SNW1: variants seen among roughly 807,000 people sequenced by gnomAD.
SNW1 encodes SNW domain containing 1, also known as SNW domain-containing protein 1.
SNW1 carries 9 observed loss-of-function variants against 75.6 expected under a neutral mutation model. The ratio of observed to expected loss-of-function variants is 0.12; its 90% CI spans 0.07 to 0.21. The LOEUF is 0.21. Among genes scored for constraint, SNW1 ranks in the 10% least tolerant of loss-of-function variants. The pLI, the probability that SNW1 is intolerant of heterozygous loss-of-function variation, is 1.00. For synonymous variants in SNW1, 200 were observed against 219.1 expected, an observed-to-expected ratio of 0.91 and a Z score of 0.77; for missense variants, 409 against 670.9, an observed-to-expected ratio of 0.61 and a Z score of 4.31.
chr14:77,752,083 A>T (rs1443167534), intron 2 of SNW1, among the ~76,000 whole-genome samples: 1 of 152,208 alleles, frequency 6.6e-6, no homozygotes, highest in Non-Finnish European at 1.5e-5. Context: ...GAAACTAAGT[A>T]AAATGGCTAG....
In SNW1 at chr14:77,720,741, C is replaced by T. The variant is rs1327533294; in HGVS notation, c.1218G>A (p.Gln406=). Reference sequence around the variant, plus strand: ...ATTGGTTGAAGAGCCTTTGGTCATACTGAACTTCATTGGAAGTCCGAGGAT... The same window carrying T: ...ATTGGTTGAAGAGCCTTTGGTCATATTGAACTTCATTGGAAGTCCGAGGAT... ...VPNPRTSNEV[Q]YDQRLFNQSK... The change falls in exon 12 of 14, where the codon CAG becomes CAA. Residue 406 remains glutamine (Q), a synonymous_variant. Coordinates refer to ENST00000261531, the MANE Select transcript of SNW1 (RefSeq NM_012245.3). 1 of 1,613,400 alleles carries T rather than the reference C, an allele frequency of 6.2e-7. No homozygotes were observed. The highest frequency in any genetic ancestry group is 1.7e-5 in the Admixed American group (1 of 60,012).
At chr14:77,749,131 G>A (rs1231824420) in intron 3 of SNW1, among the ~76,000 whole-genome samples, 1 of 152,092 alleles carries the variant, frequency 6.6e-6, no homozygotes, top group Non-Finnish European at 1.5e-5. Flanking sequence ...AGAGAATACT[G>A]GGCTGGAAAC....
At chr14:77,726,666 T>C (rs1248556623) in intron 10 of SNW1, among the ~76,000 whole-genome samples, 1 of 152,016 alleles carries the variant, frequency 6.6e-6, no homozygotes. Context: ...TAAAAAAAAT[T>C]AGCCAGGCGT....
chr14:77,736,538 G>A (rs2080673038), intron 6 of SNW1, among the ~76,000 whole-genome samples: 1 of 128,620 alleles, frequency 7.8e-6, no homozygotes, highest in Admixed American at 8.1e-5. Flanking sequence ...GACAGAGCGA[G>A]ACTGTCTCTC....
chr14:77,754,379 A>C (rs2080829518), intron 2 of SNW1, among the ~76,000 whole-genome samples: 2 of 152,162 alleles, frequency 1.3e-5, no homozygotes, highest in South Asian at 4.1e-4. Context: ...TAGAGATAGA[A>C]AGAGCTATTC....
intron 1 of SNW1, chr14:77,760,547 T>G: frequency 1.5e-6 from 1 of 654,964 alleles, no homozygotes; most frequent in Non-Finnish European, 2.8e-6. Context: ...CGGAAGAAAT[T>G]CTAAGCTCCA....
chr14:77,739,163 A>G (rs925975342), intron 3 of SNW1, 102 bp from the exon 4 acceptor site: 1 of 784,214 alleles, frequency 1.3e-6, no homozygotes, highest in African/African-American at 1.7e-5. Flanking sequence ...ACACTTAAAA[A>G]TTTAGGACAC....
chr14:77,719,723 GT>G (rs1468322312), intron 12 of SNW1, among the ~76,000 whole-genome samples: 3 of 152,126 alleles, frequency 2.0e-5, no homozygotes, highest in African/African-American at 7.2e-5. Flanking sequence ...AGCTAAACCT[GT>G]GTTTCAATTT....
chr14:77,719,299 T>TCC (rs2080518201), intron 12 of SNW1, among the ~76,000 whole-genome samples: 1 of 152,040 alleles, frequency 6.6e-6, no homozygotes. Flanking sequence ...CACCCCTAGA[T>TCC]CCCTTTGCTC....
chr14:77,759,774 G>C (rs1354450161), intron 1 of SNW1, among the ~76,000 whole-genome samples: 2 of 151,934 alleles, frequency 1.3e-5, no homozygotes, highest in East Asian at 3.9e-4. Context: ...CCAAGAGTTG[G>C]AGACCACTCT....
intron 11 of SNW1, chr14:77,722,589 T>C (rs2080550685): frequency 2.4e-6 from 1 of 410,986 alleles, no homozygotes; most frequent in Non-Finnish European, 4.8e-6. Context: ...TACATCCTTT[T>C]CAAAAATCTG....
chr14:77,760,661 G>C (rs931180333), intron 1 of SNW1: 1 of 702,206 alleles, frequency 1.4e-6, no homozygotes, highest in African/African-American at 1.7e-5. Flanking sequence ...AGGAATCCTT[G>C]TTTCGGGACA....
intron 3 of SNW1, among the ~76,000 whole-genome samples, chr14:77,744,446 C>CAAAAACAAA (rs2080743354): frequency 1.2e-5 from 1 of 82,964 alleles, no homozygotes; most frequent in Admixed American, 1.5e-4. Context: ...GTCTCCATCT[C>CAAAAACAAA]AAAAAAAAAA....
intron 12 of SNW1, among the ~76,000 whole-genome samples, chr14:77,719,692 A>G (rs2080523013): frequency 6.6e-6 from 1 of 152,188 alleles, no homozygotes. Context: ...CCCAGTTTGA[A>G]TCTTAATTCC....
intron 10 of SNW1, among the ~76,000 whole-genome samples, chr14:77,730,625 G>A (rs1039380055): frequency 2.0e-5 from 3 of 152,112 alleles, no homozygotes; most frequent in African/African-American, 7.2e-5. Context: ...AAAAACTCTG[G>A]ATTACTTCAC....
intron 10 of SNW1, among the ~76,000 whole-genome samples, chr14:77,728,643 A>G (rs2080605014): frequency 6.6e-6 from 1 of 152,286 alleles, no homozygotes; most frequent in Admixed American, 6.5e-5. Context: ...GTCTGAGGGA[A>G]TGGAGTACAG....
chr14:77,747,420 C>G (rs1252308783), intron 3 of SNW1, among the ~76,000 whole-genome samples: 4 of 151,440 alleles, frequency 2.6e-5, no homozygotes, highest in South Asian at 2.1e-4. Flanking sequence ...GCCGCCCAGT[C>G]TGGGAAGTGA....
chr14:77,743,149 C>T (rs997268241), intron 3 of SNW1, among the ~76,000 whole-genome samples: 3 of 151,348 alleles, frequency 2.0e-5, no homozygotes, highest in African/African-American at 4.9e-5. Flanking sequence ...CACTTGAACC[C>T]GGGAGGCAGA....
intron 12 of SNW1, 115 bp downstream of exon 12, chr14:77,720,596 A>AT (rs746530197): frequency 3.7e-6 from 3 of 808,350 alleles, no homozygotes; most frequent in Non-Finnish European, 2.2e-6. Context: ...ACAACTTCCA[A>AT]TTTTTTTGTC....
Sources: allele counts gnomAD v4.1 joint callset (sites outside exome capture counted in the v4.1 genomes callset), GRCh38; gene constraint gnomAD v4.1.1; transcripts MANE v1.5; gene names NCBI Gene and HGNC (gene_info 2026-07-23, HGNC 2026-07-21).